Variants in SORCS3 observed in about 807,000 individuals in gnomAD.
The protein encoded by SORCS3 is VPS10 domain-containing receptor SorCS3.
A neutral mutation model predicts 146.3 loss-of-function variants in SORCS3; 57 were observed. That is an observed-to-expected ratio of 0.39 (90% CI 0.31 to 0.49). SORCS3 has a LOEUF of 0.49. SORCS3 is among the 20% of genes least tolerant of loss of function. SORCS3 has a pLI of 0.92. For missense variants in SORCS3, 1,341 were observed against 1,575.5 expected (o/e 0.85, Z 2.52); for synonymous variants, 653 against 618.5 (o/e 1.06, Z -0.83).
chr10:105,039,974 G>A (rs1435571929), intron 4 of SORCS3, among the ~76,000 whole-genome samples: 1 of 152,160 alleles, frequency 6.6e-6, no homozygotes, highest in African/African-American at 2.4e-5. Flanking sequence ...GTTGGGTTTT[G>A]TTGAAAGAAT....
At chr10:104,968,094 C>T (rs1376710393) in intron 3 of SORCS3, among the ~76,000 whole-genome samples, 1 of 152,110 alleles carries the variant, frequency 6.6e-6, no homozygotes, top group East Asian at 1.9e-4. Flanking sequence ...ATTACTATCT[C>T]CTTTTTTCTC....
intron 1 of SORCS3, among the ~76,000 whole-genome samples, chr10:104,731,571 C>G (rs181661168): frequency 6.6e-6 from 1 of 152,170 alleles, no homozygotes; most frequent in Non-Finnish European, 1.5e-5. Flanking sequence ...TTTAGTCTAC[C>G]TTCCAGACTC....
intron 2 of SORCS3, among the ~76,000 whole-genome samples, chr10:104,903,940 A>G (rs2018878125): frequency 6.6e-6 from 1 of 152,204 alleles, no homozygotes; most frequent in South Asian, 2.1e-4. Flanking sequence ...TGTTTTGGAA[A>G]CTATAGTTTT....
intron 1 of SORCS3, among the ~76,000 whole-genome samples, chr10:104,652,531 T>C (rs1165982870): frequency 6.6e-6 from 1 of 152,196 alleles, no homozygotes; most frequent in Non-Finnish European, 1.5e-5. Context: ...CTTAAGGAGC[T>C]AGAGACCCTT....
At chr10:105,172,043 A>G (rs1316738277) in intron 13 of SORCS3, among the ~76,000 whole-genome samples, 1 of 152,168 alleles carries the variant, frequency 6.6e-6, no homozygotes, top group Non-Finnish European at 1.5e-5. Flanking sequence ...TAGTTGTTAG[A>G]AAGATTGTTT....
At chr10:104,702,048 T>C (rs1029120055) in intron 1 of SORCS3, among the ~76,000 whole-genome samples, 1 of 152,148 alleles carries the variant, frequency 6.6e-6, no homozygotes, top group Admixed American at 6.5e-5. Context: ...AATGCATACA[T>C]GAATGGGTGG....
At chr10:104,824,464 G>A (rs188661978) in intron 1 of SORCS3, among the ~76,000 whole-genome samples, 19 of 152,304 alleles carry the variant, frequency 1.2e-4, no homozygotes, top group African/African-American at 4.3e-4. Context: ...CAAGCATGAT[G>A]TGTTGCCTGT....
At chr10:104,703,346 A>T (rs1302387693) in intron 1 of SORCS3, among the ~76,000 whole-genome samples, 3 of 152,220 alleles carry the variant, frequency 2.0e-5, no homozygotes. Flanking sequence ...ACAGTGTACA[A>T]GCATTCCTAT....
At chr10:104,821,192 A>G (rs772109878) in intron 1 of SORCS3, among the ~76,000 whole-genome samples, 1 of 152,200 alleles carries the variant, frequency 6.6e-6, no homozygotes. Context: ...AGCAGTCACA[A>G]CATTTTGAAG....
In SORCS3 at chr10:105,264,881, G is replaced by A. The variant is rs1013337416; in HGVS notation, c.*1507G>A. On this transcript the variant is annotated 3_prime_UTR_variant, in exon 27 of 27. Transcript: ENST00000369701. ...CACTTATTTTTGAAAATGATATAAT[G>A]TATATATATGGGAGGAAAGGCCACA... 2 of 152,624 alleles carry A rather than the reference G, an allele frequency of 1.3e-5. No individual in the cohort carries two copies. Among genetic ancestry groups the A allele is most frequent in the East Asian group, 1.9e-4 (1 of 5,160 alleles). The allele number at this position is 152,624 out of a possible 1,614,324, so 9.5% of individuals were successfully genotyped here.
chr10:105,147,594 A>G, intron 8 of SORCS3, 23 bp from the exon 9 acceptor site: 1 of 1,592,632 alleles, frequency 6.3e-7, no homozygotes, highest in Non-Finnish European at 8.6e-7. Flanking sequence ...CTGCTGCCTT[A>G]CAAGCCTTCC....
chr10:104,781,965 C>A (rs2017379042), intron 1 of SORCS3, among the ~76,000 whole-genome samples: 1 of 152,198 alleles, frequency 6.6e-6, no homozygotes, highest in Admixed American at 6.5e-5. Flanking sequence ...AGCTTTACAG[C>A]TTTACACACT....
At chr10:104,756,781 C>G (rs2017057996) in intron 1 of SORCS3, among the ~76,000 whole-genome samples, 1 of 152,178 alleles carries the variant, frequency 6.6e-6, no homozygotes, top group Non-Finnish European at 1.5e-5. Context: ...GCTTTAGTAC[C>G]TCTCTTTAGA....
intron 7 of SORCS3, among the ~76,000 whole-genome samples, chr10:105,137,479 T>C (rs896315813): frequency 1.5e-4 from 22 of 147,102 alleles, no homozygotes; most frequent in African/African-American, 5.4e-4. Context: ...TTAGAGTATG[T>C]GAATTTCACC....
intron 3 of SORCS3, among the ~76,000 whole-genome samples, chr10:104,939,176 G>A (rs2019287972): frequency 6.6e-6 from 1 of 152,220 alleles, no homozygotes; most frequent in African/African-American, 2.4e-5. Flanking sequence ...AGACGAGGAA[G>A]GAGGAGTAAA....
chr10:104,977,182 A>G (rs1425676781), intron 3 of SORCS3, among the ~76,000 whole-genome samples, 153 bp from the exon 4 acceptor site: 1 of 152,152 alleles, frequency 6.6e-6, no homozygotes, highest in Non-Finnish European at 1.5e-5. Context: ...CTAAATCAGG[A>G]GAAAAGTTAA....
At chr10:104,784,717 G>A (rs914061525) in intron 1 of SORCS3, among the ~76,000 whole-genome samples, 1 of 152,192 alleles carries the variant, frequency 6.6e-6, no homozygotes, top group Non-Finnish European at 1.5e-5. Flanking sequence ...TTATCACCTT[G>A]TTCTTGTCCT....
intron 21 of SORCS3, among the ~76,000 whole-genome samples, chr10:105,246,952 T>C (rs1251497138): frequency 1.3e-5 from 2 of 152,236 alleles, no homozygotes; most frequent in African/African-American, 4.8e-5. Flanking sequence ...TTCATAATTG[T>C]CTTTCATTTC....
In SORCS3 at chr10:105,246,748, A is replaced by G. The variant is rs552366594; in HGVS notation, c.2993-471A>G. Among the ~76,000 whole-genome samples the G allele has an allele frequency of 2.6e-5, 4 of 152,378 alleles. No individual in the cohort carries two copies. In the South Asian group the frequency reaches 8.3e-4, roughly 32 times the overall value. The stretch of plus-strand genomic sequence containing the variant: ...ATTACCACAAAGTGAATGCACTTGT[A>G]TACTCACCAACCAGGTCAAGATACA... On this transcript the variant is annotated intron_variant, in intron 21 of 26. Coordinates refer to ENST00000369701, the MANE Select transcript of SORCS3 (RefSeq NM_014978.3).
Sources: gnomAD v4.1 joint callset for allele counts (sites outside exome capture counted in the v4.1 genomes callset) on GRCh38, gnomAD v4.1.1 for gene constraint, MANE v1.5 for transcripts, NCBI Gene and HGNC (gene_info 2026-07-23, HGNC 2026-07-21) for gene names.